Variants in CDH23 observed in about 807,000 individuals in gnomAD.
CDH23 encodes the protein cadherin related 23.
In CDH23, 189 loss-of-function variants were observed where a neutral mutation model predicts 317.1. The observed-to-expected ratio is 0.60, with a 90% CI of 0.53 to 0.67. CDH23 has a LOEUF of 0.67. Ranked by LOEUF, CDH23 falls within the 30% of genes least tolerant of loss-of-function variation. CDH23 has a pLI of 0.00. For missense variants in CDH23, 4,401 were observed against 4,592.4 expected, an observed-to-expected ratio of 0.96 and a Z score of 1.20; for synonymous variants, 1,839 against 1,876.8, an observed-to-expected ratio of 0.98 and a Z score of 0.52.
Position 71,485,521 on chromosome 10 carries a change from T to G in CDH23, c.146-24561T>G, listed in dbSNP as rs148438865. 2.1e-4 allele frequency among the ~76,000 whole-genome samples: 32 copies of G among 152,346 alleles called. No individual in the cohort carries two copies. In the East Asian group the frequency reaches 5.6e-3, roughly 27 times the overall value. ...GCAAGGGAGGAGGAGCTGAAAGCTC[T>G]TTGTTTGAGAGGATATTCCCACCTG... On this transcript the variant is annotated intron_variant, in intron 3 of 69. Coordinates refer to ENST00000224721, the MANE Select transcript of CDH23 (RefSeq NM_022124.6).
chr10:71,488,024 C>T (rs1232250803), intron 3 of CDH23, among the ~76,000 whole-genome samples: 1 of 152,232 alleles, frequency 6.6e-6, no homozygotes. Context: ...AGGCCTTGGC[C>T]CCTGCCCCTC....
chr10:71,428,118 C>T (rs995948937), intron 1 of CDH23, among the ~76,000 whole-genome samples: 3 of 150,376 alleles, frequency 2.0e-5, no homozygotes, highest in Non-Finnish European at 4.4e-5. Flanking sequence ...CACATGCTCA[C>T]CAACACTTGT....
At chr10:71,684,284 C>G (rs1376722629) in intron 18 of CDH23, among the ~76,000 whole-genome samples, 1 of 152,154 alleles carries the variant, frequency 6.6e-6, no homozygotes, top group Non-Finnish European at 1.5e-5. Context: ...ACCACAGCCC[C>G]CAAGCCTCCT....
intron 1 of CDH23, among the ~76,000 whole-genome samples, chr10:71,436,898 C>T (rs1399476666): frequency 6.6e-6 from 1 of 152,188 alleles, no homozygotes; most frequent in Non-Finnish European, 1.5e-5. Flanking sequence ...CTTAATTGCC[C>T]AATGCCTCGG....
At chr10:71,557,895 C>T (rs1329698077) in intron 6 of CDH23, among the ~76,000 whole-genome samples, 1 of 152,196 alleles carries the variant, frequency 6.6e-6, no homozygotes, top group Non-Finnish European at 1.5e-5. Flanking sequence ...TGAACACATA[C>T]TGGTCTCTTT....
At chr10:71,658,896 C>T (rs1863527801) in intron 14 of CDH23, among the ~76,000 whole-genome samples, 1 of 152,152 alleles carries the variant, frequency 6.6e-6, no homozygotes, top group African/African-American at 2.4e-5. Context: ...AGTGGGCTTG[C>T]AAGGTGGAAG....
At chr10:71,759,738 G>A (rs1251796969) in intron 38 of CDH23, among the ~76,000 whole-genome samples, 3 of 151,252 alleles carry the variant, frequency 2.0e-5, no homozygotes, top group Non-Finnish European at 2.9e-5. Context: ...CTTGAATCCG[G>A]GAGGCGGAGG....
intron 28 of CDH23, chr10:71,714,036 C>G (rs931658195): frequency 6.6e-6 from 1 of 152,094 alleles, no homozygotes; most frequent in Non-Finnish European, 1.5e-5. Context: ...CTAGAGCCAG[C>G]GAGTTAATAT....
chr10:71,556,561 G>T (rs1177300028), intron 6 of CDH23, among the ~76,000 whole-genome samples: 1 of 151,820 alleles, frequency 6.6e-6, no homozygotes, highest in Non-Finnish European at 1.5e-5. Context: ...AGTCCAGTCT[G>T]GGTGACAGAG....
chr10:71,592,118 T>C (rs1356747019), intron 9 of CDH23, among the ~76,000 whole-genome samples: 3 of 152,104 alleles, frequency 2.0e-5, no homozygotes, highest in Non-Finnish European at 4.4e-5. Context: ...TGGGCCAAGC[T>C]AAGGAGTGTG....
At chr10:71,409,529 C>T (rs986823339) in intron 1 of CDH23, among the ~76,000 whole-genome samples, 25 of 152,210 alleles carry the variant, frequency 1.6e-4, no homozygotes, top group African/African-American at 5.5e-4. Context: ...TTACCTTCCA[C>T]GTGGCTGTTT....
intron 8 of CDH23, among the ~76,000 whole-genome samples, chr10:71,573,106 C>T (rs868592884): frequency 3.1e-4 from 47 of 152,338 alleles, no homozygotes; most frequent in Middle Eastern, 3.4e-3. Context: ...AGGGTTTTAA[C>T]GGTTGGAGAT....
intron 3 of CDH23, among the ~76,000 whole-genome samples, chr10:71,447,514 G>A (rs1159540393): frequency 6.6e-6 from 1 of 152,052 alleles, no homozygotes; most frequent in Non-Finnish European, 1.5e-5. Flanking sequence ...TGTTTGTTGT[G>A]GGGATTGTCC....
chr10:71,758,344 G>A (rs1448761337), intron 38 of CDH23, among the ~76,000 whole-genome samples: 1 of 152,184 alleles, frequency 6.6e-6, no homozygotes, highest in Admixed American at 6.5e-5. Context: ...GGGCCTAGCA[G>A]GGGCTGGTCC....
Position 71,809,926 on chromosome 10 carries a change from G to A in CDH23, c.8829G>A (p.Thr2943=), listed in dbSNP as rs369023265. ...VARDLAGHND[T]AIIGIYILRD... is the part of the protein sequence containing the mutation. ...GAGACCTGGCAGGCCACAACGACAC[G>A]GCCATCATCGGCATCTACATCCTGA... Residue 2943 remains threonine (T), a synonymous_variant, in exon 61 of 70, where the codon ACG becomes ACA. Transcript: ENST00000224721. 1.9e-5 allele frequency: 31 copies of A among 1,612,708 alleles called. 1 individual carries two copies. The African/African-American group carries it at 2.5e-4, about 13-fold the overall frequency.
chr10:71,680,829 C>CTTT (rs1312991062), intron 17 of CDH23, among the ~76,000 whole-genome samples: 15 of 70,130 alleles, frequency 2.1e-4, no homozygotes, highest in Non-Finnish European at 3.2e-4. Context: ...TTTTCTTTTT[C>CTTT]TTTTTTTTTT....
At chr10:71,662,314 C>G (rs1270178938) in intron 14 of CDH23, among the ~76,000 whole-genome samples, 1 of 152,130 alleles carries the variant, frequency 6.6e-6, no homozygotes, top group Non-Finnish European at 1.5e-5. Flanking sequence ...TGGGGGGTGT[C>G]CTGCCAGGCA....
chr10:71,656,129 C>T (rs780113125), intron 14 of CDH23, among the ~76,000 whole-genome samples: 19 of 152,096 alleles, frequency 1.2e-4, no homozygotes, highest in Non-Finnish European at 2.5e-4. Context: ...GGATGCAGAC[C>T]GCAGCCCCAG....
intron 14 of CDH23, among the ~76,000 whole-genome samples, chr10:71,664,395 C>T (rs1456995979): frequency 6.6e-6 from 1 of 152,244 alleles, no homozygotes; most frequent in East Asian, 1.9e-4. Flanking sequence ...GAGGGCCTCA[C>T]ACCTCGAGAG....
Sources: gnomAD v4.1 joint callset for allele counts (sites outside exome capture counted in the v4.1 genomes callset) on GRCh38, gnomAD v4.1.1 for gene constraint, MANE v1.5 for transcripts, NCBI Gene and HGNC (gene_info 2026-07-23, HGNC 2026-07-21) for gene names.